The following C2orf15 variants were observed in gnomAD, a reference collection of about 807,000 sequenced individuals.
The protein encoded by C2orf15 is chromosome 2 open reading frame 15.
Under a neutral mutation model 4.4 loss-of-function variants are expected in C2orf15, and 3 were observed. That is an observed-to-expected ratio of 0.67 (90% confidence interval 0.31 to 1.74). C2orf15 has a LOEUF of 1.74. Ranked by LOEUF, C2orf15 falls within the 40% of genes most tolerant of loss-of-function variation. The pLI, the probability that C2orf15 is intolerant of heterozygous loss-of-function variation, is 0.09. For missense variants in C2orf15, 90 were observed against 103.3 expected (o/e 0.87, Z 0.56); for synonymous variants, 37 against 36.8 (o/e 1.00, Z -0.02).
intron 2 of C2orf15, among the ~76,000 whole-genome samples, chr2:99,145,099 G>A (rs1254154359): frequency 6.6e-6 from 1 of 152,194 alleles, no homozygotes; most frequent in Non-Finnish European, 1.5e-5. Flanking sequence ...CATTCCTTCT[G>A]GAGGCTCTAG....
At chr2:99,143,847 C>T (rs182164903) in intron 2 of C2orf15, among the ~76,000 whole-genome samples, 105 of 152,166 alleles carry the variant, frequency 6.9e-4, no homozygotes, top group African/African-American at 2.5e-3. Flanking sequence ...TTTCTAGTCC[C>T]TTAATTTTTC....
At chr2:99,150,092 A>T (rs1299224089) in intron 3 of C2orf15, among the ~76,000 whole-genome samples, 1 of 152,162 alleles carries the variant, frequency 6.6e-6, no homozygotes, top group Non-Finnish European at 1.5e-5. Flanking sequence ...GCACCCAGCC[A>T]ATCACAAGTA....
intron 3 of C2orf15, among the ~76,000 whole-genome samples, chr2:99,149,927 G>A (rs1307232523): frequency 6.6e-6 from 1 of 151,730 alleles, no homozygotes; most frequent in African/African-American, 2.4e-5. Context: ...TGAATAGCTG[G>A]GATTTCAGGT....
At position 99,141,912 on chromosome 2, in the gene C2orf15, T is replaced by A. The variant is rs945913893; in HGVS notation, c.-311T>A. ...CAGGTCCAGCCCTCCCGCTGCAGCC[T>A]GCAGGGAGCGAGCCGGCCTGTCCCG... On this transcript the variant is annotated 5_prime_UTR_variant, in exon 1 of 4. Transcript: ENST00000650052. The A allele has an allele frequency of 6.6e-6, 1 of 152,402 alleles. No homozygotes were observed. The highest frequency in any genetic ancestry group is 2.4e-5 in the African/African-American group (1 of 41,472). The allele number at this position is 152,402 out of a possible 1,614,324, so 9.4% of individuals were successfully genotyped here.
In C2orf15 at chr2:99,150,802, A is replaced by C; in HGVS notation, c.244A>C (p.Ser82Arg). 6.3e-7 allele frequency: 1 copy of C among 1,598,862 alleles called. No individual in the cohort carries two copies. Among genetic ancestry groups the C allele is most frequent in the Non-Finnish European group, 8.5e-7 (1 of 1,175,668 alleles). The change falls in exon 4 of 4, where the codon AGT (serine) becomes CGT (arginine). Residue 82 changes from serine to arginine, a missense_variant. Coordinates refer to ENST00000650052, the MANE Select transcript of C2orf15 (RefSeq NM_144706.4). ...ALGSVVYVKE[S>R]DGLEMTDVE ...GGGTTCAGTGGTATATGTCAAAGAA[A>C]GTGATGGACTAGAAATGACAGATGT...
At position 99,151,454 on chromosome 2, in the gene C2orf15, A is replaced by C. The variant is rs1323384304; in HGVS notation, c.*620A>C. 1.6e-5 allele frequency: 2 copies of C among 124,524 alleles called. No individual in the cohort carries two copies. The highest frequency in any genetic ancestry group is 3.3e-5 in the Non-Finnish European group (2 of 60,230). 7.7% of individuals were successfully genotyped at this position (124,524 alleles called of 1,614,324 possible). ...CTCCAGCCTGGGCAACAAGAGCAAA[A>C]CTCCGTCTCAAAAAAAAAAAAAAAA... On this transcript the variant is annotated 3_prime_UTR_variant, in exon 4 of 4. Coordinates refer to ENST00000650052, the MANE Select transcript of C2orf15 (RefSeq NM_144706.4).
At chr2:99,144,745 C>T (rs1042299735) in intron 2 of C2orf15, among the ~76,000 whole-genome samples, 2 of 150,552 alleles carry the variant, frequency 1.3e-5, no homozygotes, top group African/African-American at 4.9e-5. Context: ...TGCCATTCTT[C>T]ACAGTTCCAG....
rs574111358 is a variant in C2orf15 at position 99,145,113 on chromosome 2, A to C, written c.-168-2289A>C. ...ACATTCCTTCTGGAGGCTCTAGGGGAAAATCCCCTTTCTTGCCTTTCCAGC... is the reference window on the plus strand; with the variant it reads ...ACATTCCTTCTGGAGGCTCTAGGGGCAAATCCCCTTTCTTGCCTTTCCAGC... On this transcript the variant is annotated intron_variant, in intron 2 of 3. Coordinates refer to ENST00000650052, the MANE Select transcript of C2orf15 (RefSeq NM_144706.4). Among the ~76,000 whole-genome samples the C allele has an allele frequency of 4.6e-5, 7 of 152,280 alleles. No individual in the cohort carries two copies. The South Asian group carries it at 1.0e-3, about 23-fold the overall frequency.
chr2:99,149,310 A>G (rs1309477343), intron 3 of C2orf15, among the ~76,000 whole-genome samples: 1 of 152,000 alleles, frequency 6.6e-6, no homozygotes, highest in Non-Finnish European at 1.5e-5. Flanking sequence ...TCTGTACAGG[A>G]AGCCTGTCCC....
In C2orf15 at chr2:99,147,486, A is replaced by T; in HGVS notation, c.-84A>T. On this transcript the variant is annotated 5_prime_UTR_variant, in exon 3 of 4. It introduces an in-frame stop codon into an upstream open reading frame of the 5' UTR. Coordinates refer to ENST00000650052, the MANE Select transcript of C2orf15 (RefSeq NM_144706.4). ...ACCCTTCATGTCCTCAACTCTGGGG[A>T]AGTTAAGGTAAGACTCACAGGGCCA... The T allele has an allele frequency of 6.2e-7, 1 of 1,613,930 alleles. No homozygotes were observed. The highest frequency in any genetic ancestry group is 1.1e-5 in the South Asian group (1 of 91,060).
At chr2:99,144,649 CAAAAAAAAAA>C (rs70940140) in intron 2 of C2orf15, among the ~76,000 whole-genome samples, 3 of 52,272 alleles carry the variant, frequency 5.7e-5, no homozygotes, top group Non-Finnish European at 1.0e-4. Context: ...AACTCTGTCT[CAAAAAAAAAA>C]AAAAAAAAAA....
chr2:99,147,435 C>T lies in C2orf15; in HGVS notation c.-135C>T. The T allele has an allele frequency of 6.2e-7, 1 of 1,612,382 alleles. No individual in the cohort carries two copies. The highest frequency in any genetic ancestry group is 8.5e-7 in the Non-Finnish European group (1 of 1,178,636). On this transcript the variant is annotated 5_prime_UTR_variant, in exon 3 of 4. It introduces an in-frame stop codon into an upstream open reading frame of the 5' UTR. Transcript: ENST00000650052. ...TTGAATGGCAACCTAAATGCCAGTCCAAAGAGGCCCCCAATAGACTTGTTC... is the reference window on the plus strand; with the variant it reads ...TTGAATGGCAACCTAAATGCCAGTCTAAAGAGGCCCCCAATAGACTTGTTC...
intron 3 of C2orf15, among the ~76,000 whole-genome samples, chr2:99,149,121 G>T (rs114759785): frequency 2.0e-3 from 296 of 148,152 alleles, no homozygotes; most frequent in African/African-American, 6.7e-3. Context: ...AGTGAGCCGA[G>T]ATCGCACCAC....
In C2orf15 at chr2:99,150,563, G is replaced by C; in HGVS notation, c.5G>C (p.Gly2Ala). 6.2e-7 allele frequency: 1 copy of C among 1,612,972 alleles called. No individual in the cohort carries two copies. Among genetic ancestry groups the C allele is most frequent in the Non-Finnish European group, 8.5e-7 (1 of 1,179,622 alleles). M[G>A]FSLSKSATQV... ...CACATTTGTTCAGCTATCCTAATGG[G>C]ATTTTCACTTAGTAAATCTGCTACT... is the stretch of plus-strand genomic sequence containing the variant. The change falls in exon 4 of 4, where the codon GGA becomes GCA. Residue 2 changes from glycine to alanine, a missense_variant. By Grantham distance (60) the Gly-to-Ala change is moderately conservative. Coordinates refer to ENST00000650052, the MANE Select transcript of C2orf15 (RefSeq NM_144706.4).
At chr2:99,150,416 C>G in intron 3 of C2orf15, 67 bp from the exon 4 acceptor site, 3 of 891,468 alleles carry the variant, frequency 3.4e-6, no homozygotes, top group Non-Finnish European at 5.1e-6. Flanking sequence ...TTCATTCAAA[C>G]AAACATTGCC....
intron 2 of C2orf15, among the ~76,000 whole-genome samples, chr2:99,144,648 T>TGAAAAAAAAAA (rs2093613310): frequency 6.3e-5 from 1 of 15,760 alleles, no homozygotes; most frequent in African/African-American, 1.4e-4. Context: ...AAACTCTGTC[T>TGAAAAAAAAAA]CAAAAAAAAA....
At chr2:99,144,324 G>C (rs1053401649) in intron 2 of C2orf15, among the ~76,000 whole-genome samples, 12 of 151,828 alleles carry the variant, frequency 7.9e-5, no homozygotes, top group Non-Finnish European at 1.8e-4. Flanking sequence ...CCCGGCCTGT[G>C]TTCCGTTTTT....
intron 2 of C2orf15, among the ~76,000 whole-genome samples, chr2:99,143,261 C>A (rs1017563933): frequency 6.6e-6 from 1 of 151,038 alleles, no homozygotes; most frequent in Non-Finnish European, 1.5e-5. Flanking sequence ...CCTGCCTCAG[C>A]CTCCCAAGTA....
intron 2 of C2orf15, 103 bp downstream of exon 2, chr2:99,142,504 GT>G (rs2105115818): frequency 6.6e-6 from 1 of 152,224 alleles, no homozygotes; most frequent in South Asian, 2.1e-4. Context: ...TAAATGCCAT[GT>G]TTTTCCAATG....
Sources: allele counts gnomAD v4.1 joint callset (sites outside exome capture counted in the v4.1 genomes callset), GRCh38; gene constraint gnomAD v4.1.1; transcripts MANE v1.5; gene names NCBI Gene and HGNC (gene_info 2026-07-23, HGNC 2026-07-21).